The following ISOC1 variants were observed in gnomAD, a reference collection of about 807,000 sequenced individuals.
ISOC1 encodes isochorismatase domain containing 1, also known as isochorismatase domain-containing protein 1.
A neutral mutation model predicts 30.0 loss-of-function variants in ISOC1; 33 were observed. The ratio of observed to expected loss-of-function variants is 1.10; its 90% CI spans 0.83 to 1.47. The LOEUF (loss-of-function observed/expected upper bound fraction) is 1.47. Ranked by LOEUF, ISOC1 falls within the 40% of genes most tolerant of loss-of-function variation. ISOC1 has a pLI of 0.00. For missense variants in ISOC1, 372 were observed against 388.0 expected (o/e 0.96, Z 0.35); for synonymous variants, 178 against 159.8 (o/e 1.11, Z -0.86).
chr5:129,102,786 G>A (rs1005084936), intron 1 of ISOC1, among the ~76,000 whole-genome samples: 1 of 152,096 alleles, frequency 6.6e-6, no homozygotes, highest in Non-Finnish European at 1.5e-5. Flanking sequence ...GCTGCTATCA[G>A]TTTGCCTGCC....
At chr5:129,108,681 T>G (rs749466454) in intron 4 of ISOC1, among the ~76,000 whole-genome samples, 1 of 152,094 alleles carries the variant, frequency 6.6e-6, no homozygotes, top group Non-Finnish European at 1.5e-5. Flanking sequence ...CCGGCTAATT[T>G]TTGTATTTTT....
At chr5:129,100,111 AACG>A (rs3839335) in intron 1 of ISOC1, among the ~76,000 whole-genome samples, 29,683 of 152,084 alleles carry the variant, frequency 0.2, 2,905 homozygotes, top group Middle Eastern at 0.25. Context: ...GGAGTGAAAT[AACG>A]ATGCCCCAGG....
At chr5:129,096,512 G>T (rs935351202) in intron 1 of ISOC1, among the ~76,000 whole-genome samples, 2 of 152,172 alleles carry the variant, frequency 1.3e-5, no homozygotes, top group African/African-American at 4.8e-5. Flanking sequence ...GGAGAACCTG[G>T]AACTGGATAC....
At chr5:129,111,439 G>T (rs1416815751) in intron 4 of ISOC1, among the ~76,000 whole-genome samples, 1 of 152,166 alleles carries the variant, frequency 6.6e-6, no homozygotes, top group Non-Finnish European at 1.5e-5. Flanking sequence ...GAGTCTGCCA[G>T]TGGAAAGGTT....
At chr5:129,102,558 C>T (rs1356939321) in intron 1 of ISOC1, among the ~76,000 whole-genome samples, 4 of 152,168 alleles carry the variant, frequency 2.6e-5, no homozygotes, top group Non-Finnish European at 5.9e-5. Flanking sequence ...CTTTTAAACA[C>T]CTCAACTTAA....
chr5:129,101,192 A>AAAAAAAAAAAAAAAATAT (rs1554064627), intron 1 of ISOC1, among the ~76,000 whole-genome samples: 1 of 42,240 alleles, frequency 2.4e-5, no homozygotes, highest in Non-Finnish European at 3.6e-5. Context: ...AAAAAAAAAA[A>AAAAAAAAAAAAAAAATAT]ATATATATAT....
At chr5:129,106,093 G>C (rs1753634860) in intron 3 of ISOC1, among the ~76,000 whole-genome samples, 1 of 152,170 alleles carries the variant, frequency 6.6e-6, no homozygotes, top group Admixed American at 6.5e-5. Flanking sequence ...GCACAGTAAA[G>C]AAGAAGCCTG....
chr5:129,096,778 A>T (rs991200322), intron 1 of ISOC1, among the ~76,000 whole-genome samples: 3 of 152,174 alleles, frequency 2.0e-5, no homozygotes, highest in African/African-American at 7.2e-5. Context: ...AGACTTCTTT[A>T]TGAAGCATTT....
chr5:129,110,691 C>T lies in ISOC1; in HGVS notation c.751-2164C>T, dbSNP rs145210513. ...CAGCATCACTGAGGCTTGTTAGGCT[C>T]AGGTCAGTAGAGCACTAGGGAGTGC... On this transcript the variant is annotated intron_variant, in intron 4 of 4. Coordinates refer to ENST00000173527, the MANE Select transcript of ISOC1 (RefSeq NM_016048.2). Among the ~76,000 whole-genome samples, 11 of 152,290 alleles carry T rather than the reference C, an allele frequency of 7.2e-5. No individual in the cohort carries two copies. In the East Asian group the frequency reaches 2.1e-3, roughly 29 times the overall value.
At chr5:129,100,973 A>G (rs1753563367) in intron 1 of ISOC1, among the ~76,000 whole-genome samples, 1 of 150,400 alleles carries the variant, frequency 6.6e-6, no homozygotes, top group Non-Finnish European at 1.5e-5. Flanking sequence ...AGTTGTAAAG[A>G]TAGTACAGAG....
At chr5:129,104,721 A>G (rs556927930) in intron 1 of ISOC1, among the ~76,000 whole-genome samples, 1 of 150,544 alleles carries the variant, frequency 6.6e-6, no homozygotes, top group South Asian at 2.1e-4. Flanking sequence ...GTGTTATATC[A>G]TATCTGTATT....
intron 1 of ISOC1, among the ~76,000 whole-genome samples, chr5:129,095,675 G>A (rs139413630): frequency 1.3e-4 from 20 of 152,240 alleles, no homozygotes; most frequent in African/African-American, 4.8e-4. Flanking sequence ...ACTTGATTAC[G>A]TTTTGTCGTC....
intron 1 of ISOC1, among the ~76,000 whole-genome samples, chr5:129,104,171 A>G (rs1378419312): frequency 6.6e-6 from 1 of 152,164 alleles, no homozygotes; most frequent in East Asian, 1.9e-4. Flanking sequence ...AGTAAACGAC[A>G]GTTCATTTAA....
At chr5:129,105,689 TC>T (rs1282823044) in intron 3 of ISOC1, among the ~76,000 whole-genome samples, 2 of 152,184 alleles carry the variant, frequency 1.3e-5, no homozygotes, top group Non-Finnish European at 2.9e-5. Flanking sequence ...TGATTCTTGG[TC>T]CTGTATTTTT....
intron 1 of ISOC1, among the ~76,000 whole-genome samples, chr5:129,103,624 T>G (rs1753597140): frequency 6.6e-6 from 1 of 152,158 alleles, no homozygotes; most frequent in Non-Finnish European, 1.5e-5. Flanking sequence ...GTTATATCAT[T>G]AAGGATTAAA....
At chr5:129,104,482 G>T (rs543129329) in intron 1 of ISOC1, among the ~76,000 whole-genome samples, 5 of 151,630 alleles carry the variant, frequency 3.3e-5, no homozygotes, top group East Asian at 3.9e-4. Flanking sequence ...ATATAGGAAT[G>T]GTATAAAAAA....
chr5:129,112,355 T>TA (rs1219350378), intron 4 of ISOC1, among the ~76,000 whole-genome samples: 3 of 152,108 alleles, frequency 2.0e-5, no homozygotes, highest in Non-Finnish European at 2.9e-5. Context: ...AGGCACCTTT[T>TA]AAAAAATCTC....
At chr5:129,112,175 A>G (rs1189564785) in intron 4 of ISOC1, among the ~76,000 whole-genome samples, 1 of 152,244 alleles carries the variant, frequency 6.6e-6, no homozygotes, top group African/African-American at 2.4e-5. Context: ...ATGTTCTAGC[A>G]GCTACAATTA....
intron 1 of ISOC1, among the ~76,000 whole-genome samples, chr5:129,099,146 A>G (rs1753542690): frequency 1.3e-5 from 2 of 152,250 alleles, no homozygotes; most frequent in African/African-American, 4.8e-5. Context: ...CCTTCTGAAT[A>G]CATTAGAGCT....
Sources: gnomAD v4.1 joint callset for allele counts (sites outside exome capture counted in the v4.1 genomes callset) on GRCh38, gnomAD v4.1.1 for gene constraint, MANE v1.5 for transcripts, NCBI Gene and HGNC (gene_info 2026-07-23, HGNC 2026-07-21) for gene names.